FREM2: variants seen among roughly 807,000 people sequenced by gnomAD.
FREM2 encodes the protein FRAS1-related extracellular matrix protein 2.
A neutral mutation model predicts 219.9 loss-of-function variants in FREM2; 119 were observed. The ratio of observed to expected loss-of-function variants is 0.54; its 90% confidence interval spans 0.47 to 0.63. The LOEUF (loss-of-function observed/expected upper bound fraction) is 0.63, where lower values mean the gene tolerates loss of function less well. FREM2 is among the 30% of genes least tolerant of loss of function. The probability of loss-of-function intolerance (pLI) is 0.00; values close to 1 mark genes in which losing one functional copy is unlikely to be tolerated. For synonymous variants in FREM2, 1,562 were observed against 1,522.8 expected (o/e 1.03, Z -0.60); for missense variants, 4,030 against 3,993.6 (o/e 1.01, Z -0.25).
chr13:38,867,820 C>T (rs1338607628), intron 16 of FREM2, among the ~76,000 whole-genome samples: 1 of 152,164 alleles, frequency 6.6e-6, no homozygotes, highest in Non-Finnish European at 1.5e-5. Flanking sequence ...CTATTTTTGT[C>T]CTTTTCTTTT....
In FREM2 at chr13:38,688,595, A is replaced by G; in HGVS notation, c.1251A>G (p.Leu417=). Residue 417 remains leucine, a synonymous_variant, in exon 1 of 24, where the codon CTA becomes CTG. Transcript: ENST00000280481. ...LFELELEVVD[L]EGAASDPFAF... ...AACTGGAATTGGAGGTAGTGGATCT[A>G]GAAGGAGCAGCTTCAGACCCTTTTG... The G allele has an allele frequency of 6.2e-7, 1 of 1,614,046 alleles. No individual in the cohort carries two copies. The highest frequency in any genetic ancestry group is 8.5e-7 in the Non-Finnish European group (1 of 1,179,930).
Position 38,687,324 on chromosome 13 carries a change from C to G in FREM2, c.-21C>G. On this transcript the variant is annotated 5_prime_UTR_variant, in exon 1 of 24. Coordinates refer to ENST00000280481, the MANE Select transcript of FREM2 (RefSeq NM_207361.6). ...TTCGCATGCTCTCAGGCTGACCTGT[C>G]CAAGCCCGAACACCGGGACCATGCA... The G allele has an allele frequency of 6.3e-7, 1 of 1,584,562 alleles. No homozygotes were observed. The highest frequency in any genetic ancestry group is 8.6e-7 in the Non-Finnish European group (1 of 1,165,228).
chr13:38,690,317 T>TG lies in FREM2; in HGVS notation c.2977dup (p.Glu993GlyfsTer30), dbSNP rs1290466457. ...TCCTCTTGGAAGATCCACCTTTGTATGGGGAAATCTTGGTCAATGGCATTC... is the reference window on the plus strand; with the variant it reads ...TCCTCTTGGAAGATCCACCTTTGTATGGGGGAAATCTTGGTCAATGGCATTC... On this transcript the variant is annotated frameshift_variant, in exon 1 of 24. Coordinates refer to ENST00000280481, the MANE Select transcript of FREM2 (RefSeq NM_207361.6). LOFTEE classifies it high-confidence loss of function. 2 of 1,614,058 alleles carry TG rather than the reference T, an allele frequency of 1.2e-6. No homozygotes were observed. Among genetic ancestry groups the TG allele is most frequent in the Non-Finnish European group, 1.7e-6 (2 of 1,180,030 alleles).
chr13:38,708,739 T>C (rs141362012), intron 2 of FREM2, among the ~76,000 whole-genome samples: 6 of 152,306 alleles, frequency 3.9e-5, no homozygotes, highest in Admixed American at 6.5e-5. Flanking sequence ...ATGTTGTCTC[T>C]ACTTTATAAC....
chr13:38,844,356 T>C (rs890825967), intron 6 of FREM2, among the ~76,000 whole-genome samples: 10 of 152,184 alleles, frequency 6.6e-5, no homozygotes, highest in Admixed American at 6.6e-5. Flanking sequence ...CACATGTGTC[T>C]GTACATATAT....
intron 2 of FREM2, among the ~76,000 whole-genome samples, chr13:38,700,741 T>C (rs1016459856): frequency 1.3e-5 from 2 of 152,020 alleles, no homozygotes; most frequent in African/African-American, 4.8e-5. Context: ...TCCTCAGTAA[T>C]AAGCGATAAC....
intron 2 of FREM2, among the ~76,000 whole-genome samples, chr13:38,698,269 G>T (rs549490506): frequency 7.6e-4 from 116 of 152,160 alleles, no homozygotes; most frequent in Non-Finnish European, 1.5e-3. Context: ...GTAAATTAAT[G>T]TCTGTTTTAT....
chr13:38,827,504 A>G (rs895077767), intron 6 of FREM2: 2 of 152,010 alleles, frequency 1.3e-5, no homozygotes, highest in Non-Finnish European at 2.9e-5. Flanking sequence ...TGTTTTGATG[A>G]CCTCCCATAC....
chr13:38,691,074 A>G lies in FREM2; in HGVS notation c.3730A>G (p.Asn1244Asp), dbSNP rs940720528. The change falls in exon 1 of 24, where the codon AAT becomes GAT. Residue 1244 changes from asparagine (N) to aspartate (D), a missense_variant. Around this residue, in one of 2 missense-constraint regions of FREM2, gnomAD observed 3,102 missense variants for 2,950.7 expected, o/e 1.05. Transcript: ENST00000280481. ...THGHIMNQLI[N>D]GTVLVESFTL... ...TGGTCACATCATGAATCAGCTGATA[A>G]ATGGCACGGTTTTGGTCGAAAGCTT... The G allele has an allele frequency of 1.2e-6, 2 of 1,614,058 alleles. No homozygotes were observed. The highest frequency in any genetic ancestry group is 2.7e-5 in the African/African-American group (2 of 74,916).
At chr13:38,733,183 G>A (rs1871837040) in intron 2 of FREM2, among the ~76,000 whole-genome samples, 1 of 152,074 alleles carries the variant, frequency 6.6e-6, no homozygotes. Flanking sequence ...TTGAAGAGGT[G>A]GCAATGAAAC....
rs775237171 is a variant in FREM2, at chr13:38,692,142, A to T, written c.4798A>T (p.Asn1600Tyr). 3 of 1,614,098 alleles carry T rather than the reference A, an allele frequency of 1.9e-6. No individual in the cohort carries two copies. The highest frequency in any genetic ancestry group is 2.7e-5 in the African/African-American group (2 of 74,924). Residue 1600 changes from asparagine to tyrosine, a missense_variant, in exon 1 of 24, where the codon AAC (asparagine) becomes TAC (tyrosine). By Grantham distance (143) the Asn-to-Tyr change is moderately radical. Coordinates refer to ENST00000280481, the MANE Select transcript of FREM2 (RefSeq NM_207361.6). The part of the protein sequence containing the change: ...MVFTKQDLNE[N>Y]LISYKHDGTE... Reference sequence around the variant, plus strand: ...TTTTACCAAGCAAGACTTGAATGAAAACTTAATCAGCTACAAACATGATGG... The same window carrying T: ...TTTTACCAAGCAAGACTTGAATGAATACTTAATCAGCTACAAACATGATGG...
chr13:38,875,843 C>T (rs1288763732), intron 18 of FREM2, among the ~76,000 whole-genome samples, 179 bp from the exon 19 acceptor site: 1 of 152,226 alleles, frequency 6.6e-6, no homozygotes, highest in Non-Finnish European at 1.5e-5. Context: ...CAGTCACTCA[C>T]AGCCCAGTTT....
chr13:38,819,592 G>T (rs994495246), intron 6 of FREM2, among the ~76,000 whole-genome samples: 2 of 152,090 alleles, frequency 1.3e-5, no homozygotes, highest in African/African-American at 2.4e-5. Flanking sequence ...GGATCATGCT[G>T]TTCACAATAT....
intron 2 of FREM2, among the ~76,000 whole-genome samples, chr13:38,721,408 G>A (rs1483585050): frequency 5.3e-5 from 8 of 152,116 alleles, no homozygotes; most frequent in South Asian, 4.1e-4. Flanking sequence ...GGACAGCAGA[G>A]CAGAGGTAGC....
chr13:38,761,878 T>G lies in FREM2; in HGVS notation c.5264-2426T>G, dbSNP rs948572011. On this transcript the variant is annotated intron_variant, in intron 2 of 23. Transcript: ENST00000280481. ...TGGCTTGACCTCCAAATGGGCAGATTAGAGTGCAAGGGGAACAATCAGGGT... is the reference window on the plus strand; with the variant it reads ...TGGCTTGACCTCCAAATGGGCAGATGAGAGTGCAAGGGGAACAATCAGGGT... 2.6e-5 allele frequency among the ~76,000 whole-genome samples: 4 copies of G among 152,144 alleles called. No homozygotes were observed. In the East Asian group the frequency reaches 5.8e-4, roughly 22 times the overall value.
chr13:38,849,958 T>G (rs1877305438), intron 8 of FREM2, 80 bp from the exon 9 acceptor site: 1 of 1,133,194 alleles, frequency 8.8e-7, no homozygotes, highest in Non-Finnish European at 1.3e-6. Context: ...TTTCCATTAT[T>G]CTTTCCACTA....
rs536009120 is a variant in FREM2, at chr13:38,824,988, G to A, written c.6020-21585G>A. On this transcript the variant is annotated intron_variant, in intron 6 of 23. Coordinates refer to ENST00000280481, the MANE Select transcript of FREM2 (RefSeq NM_207361.6). ...AAGAAAAGGTTGGGGGTGGAGGGGG[G>A]CGGCGGGCTAGATCAGATCTCCCTC... 7.6e-4 allele frequency among the ~76,000 whole-genome samples: 115 copies of A among 151,924 alleles called. 1 individual carries two copies. Among genetic ancestry groups the A allele is most frequent in the African/African-American group, 2.6e-3 (109 of 41,420 alleles).
intron 2 of FREM2, among the ~76,000 whole-genome samples, chr13:38,721,481 C>T (rs1167912651): frequency 6.6e-6 from 1 of 152,026 alleles, no homozygotes; most frequent in African/African-American, 2.4e-5. Context: ...TAGCTGCAGT[C>T]AGTGAGTGCA....
At chr13:38,761,778 G>T (rs1873234977) in intron 2 of FREM2, among the ~76,000 whole-genome samples, 2 of 152,096 alleles carry the variant, frequency 1.3e-5, no homozygotes, top group Non-Finnish European at 2.9e-5. Context: ...GAAGAATAGG[G>T]GTCCTCATTT....
Sources: gnomAD v4.1 joint callset for allele counts (sites outside exome capture counted in the v4.1 genomes callset) on GRCh38, gnomAD v4.1.1 for gene constraint, gnomAD v4.1.1 regional missense constraint, MANE v1.5 for transcripts, NCBI Gene and HGNC (gene_info 2026-07-23, HGNC 2026-07-21) for gene names.